The following QRICH2 variants were observed in gnomAD, a reference collection of about 807,000 sequenced individuals.
QRICH2 encodes glutamine-rich protein 2.
In QRICH2, 119 loss-of-function variants were observed where a neutral mutation model predicts 168.3. The ratio of observed to expected loss-of-function variants is 0.71; its 90% CI spans 0.61 to 0.82. The LOEUF is 0.82. Among genes scored for constraint, QRICH2 ranks in the 40% least tolerant of loss-of-function variants. QRICH2 has a pLI of 0.00. For missense variants in QRICH2, 2,241 were observed against 2,491.6 expected, an observed-to-expected ratio of 0.90 and a Z score of 2.14; for synonymous variants, 894 against 951.2, an observed-to-expected ratio of 0.94 and a Z score of 1.11.
At chr17:76,275,537 C>T (rs973053581) in intron 18 of QRICH2, among the ~76,000 whole-genome samples, 3 of 152,292 alleles carry the variant, frequency 2.0e-5, no homozygotes, top group South Asian at 2.1e-4. Flanking sequence ...AGTGAGTGCA[C>T]GTGAGCAGGG....
chr17:76,277,129 C>T (rs758231506), intron 16 of QRICH2, 34 bp downstream of exon 16: 5 of 1,515,140 alleles, frequency 3.3e-6, no homozygotes, highest in East Asian at 4.8e-5. Flanking sequence ...ATGTCAGGGC[C>T]TCCCTCCCTG....
rs752793308 is a variant in QRICH2 at position 76,280,930 on chromosome 17, C to G, written c.4287G>C (p.Val1429=). The part of the protein sequence containing the change: ...QRQDEELLGR[V]QSAILQVQGD... ...CCTGCACCTGCAGGATGGCACTCTG[C>G]ACACGGCCCAGCAGCTCCTCGTCCT... The change falls in exon 9 of 19, where the codon GTG becomes GTC. Residue 1429 remains valine (V), a synonymous_variant. Coordinates refer to ENST00000680821, the MANE Select transcript of QRICH2 (RefSeq NM_001388453.1). The surrounding 1 kb of genome is among the most constrained non-coding windows in gnomAD (Gnocchi z 7.4). 1.2e-6 allele frequency: 2 copies of G among 1,611,536 alleles called. No individual in the cohort carries two copies. The highest frequency in any genetic ancestry group is 4.5e-5 in the East Asian group (2 of 44,876).
intron 1 of QRICH2, among the ~76,000 whole-genome samples, chr17:76,306,759 C>G (rs920773009): frequency 1.3e-5 from 2 of 152,004 alleles, no homozygotes; most frequent in African/African-American, 2.4e-5. Flanking sequence ...GGGTGGCGCG[C>G]GCCTATAATC....
rs142490994 is a variant in QRICH2 at position 76,290,062 on chromosome 17, G to C, written c.3728C>G (p.Pro1243Arg). The C allele has an allele frequency of 7.6e-5, 123 of 1,612,098 alleles. No individual in the cohort carries two copies. The African/African-American group carries it at 1.1e-3, about 15-fold the overall frequency. ...LLAQMVKRTI[P>R]PELQEQLKTV... ...CTTCAGCTGCTCCTGCAGTTCAGGA[G>C]GTATGGTCCTTTTGACTATGGAAAG... The change falls in exon 5 of 19, where the codon CCT (proline) becomes CGT (arginine). Residue 1243 changes from proline to arginine, a missense_variant. Pro to Arg is a moderately radical substitution (Grantham distance 103). Transcript: ENST00000680821.
Position 76,293,400 on chromosome 17 carries a change from A to G in QRICH2, c.1327T>C (p.Leu443=), listed in dbSNP as rs2071048731. Residue 443 remains leucine (L), a synonymous_variant, in exon 4 of 19, where the codon TTG becomes CTG. Coordinates refer to ENST00000680821, the MANE Select transcript of QRICH2 (RefSeq NM_001388453.1). ...TCTCTGCCAGGTACTGATGGTGGCAACATACGTTGCTCATCCACGACAAAT... is the reference window on the plus strand; with the variant it reads ...TCTCTGCCAGGTACTGATGGTGGCAGCATACGTTGCTCATCCACGACAAAT... ...IPFVVDEQRM[L]PPSVPGRDQQ... The G allele has an allele frequency of 1.9e-6, 3 of 1,614,206 alleles. No individual in the cohort carries two copies. The East Asian group carries it at 6.7e-5, about 36-fold the overall frequency.
At chr17:76,295,939 CT>C (rs1244856208) in intron 3 of QRICH2, among the ~76,000 whole-genome samples, 1 of 151,812 alleles carries the variant, frequency 6.6e-6, no homozygotes, top group Non-Finnish European at 1.5e-5. Flanking sequence ...AAAAACAAAA[CT>C]GAGGCTGGGC....
intron 3 of QRICH2, among the ~76,000 whole-genome samples, chr17:76,301,829 A>C (rs899713400): frequency 2.7e-5 from 4 of 149,234 alleles, no homozygotes; most frequent in Admixed American, 2.0e-4. Flanking sequence ...CAGCCTCCCA[A>C]GTAGCTGGGA....
At chr17:76,299,634 G>T (rs945582525) in intron 3 of QRICH2, among the ~76,000 whole-genome samples, 1 of 151,882 alleles carries the variant, frequency 6.6e-6, no homozygotes, top group Non-Finnish European at 1.5e-5. Context: ...CTACTCGGGA[G>T]ACTGAGGCAG....
intron 3 of QRICH2, among the ~76,000 whole-genome samples, chr17:76,297,251 A>G (rs2070811730): frequency 6.6e-6 from 1 of 152,256 alleles, no homozygotes; most frequent in Non-Finnish European, 1.5e-5. Flanking sequence ...CCACACCGGT[A>G]ATCCCAACAC....
chr17:76,285,619 C>T lies in QRICH2; in HGVS notation c.4011+1573G>A, dbSNP rs182240616. Among the ~76,000 whole-genome samples the T allele has an allele frequency of 5.9e-3, 889 of 150,106 alleles. 5 individuals carry two copies. Among genetic ancestry groups the T allele is most frequent in the African/African-American group, 0.02 (828 of 41,078 alleles). ...AGGCCAGTACTTTGGGAGACCGAGG[C>T]GGGTGGATCACCTGAGGTCAGGAGT... On this transcript the variant is annotated intron_variant, in intron 7 of 18. Coordinates refer to ENST00000680821, the MANE Select transcript of QRICH2 (RefSeq NM_001388453.1).
chr17:76,297,868 C>CTTTTTTTTTT (rs1344325680), intron 3 of QRICH2, among the ~76,000 whole-genome samples: 22 of 96,004 alleles, frequency 2.3e-4, no homozygotes, highest in Non-Finnish European at 4.0e-4. Context: ...ACTTAGGAAT[C>CTTTTTTTTTT]TGTTTTTTTT....
chr17:76,277,563 C>A (rs545198584), intron 15 of QRICH2, among the ~76,000 whole-genome samples: 1 of 152,154 alleles, frequency 6.6e-6, no homozygotes, highest in Non-Finnish European at 1.5e-5. Context: ...CTCATACACA[C>A]AGTCACACAC....
Position 76,307,204 on chromosome 17 carries a change from A to G in QRICH2, c.534+261T>C, listed in dbSNP as rs1353610347. Among the ~76,000 whole-genome samples the G allele has an allele frequency of 6.6e-6, 1 of 152,090 alleles. No homozygotes were observed. Reference sequence around the variant, plus strand: ...ACTACACTTAGGAGGTGGGGTCCCCAGGCCCCTCCAGCTCGGGGAGGCCCT... The same window carrying G: ...ACTACACTTAGGAGGTGGGGTCCCCGGGCCCCTCCAGCTCGGGGAGGCCCT... On this transcript the variant is annotated intron_variant, in intron 1 of 18. Transcript: ENST00000680821. The surrounding 1 kb of genome is among the most constrained non-coding windows in gnomAD (Gnocchi z 5.3).
rs1461362520 is a variant in QRICH2, at chr17:76,281,797, A to G, written c.4263+67T>C. On this transcript the variant is annotated intron_variant, in intron 8 of 18. Coordinates refer to ENST00000680821, the MANE Select transcript of QRICH2 (RefSeq NM_001388453.1). The surrounding 1 kb of genome is among the most constrained non-coding windows in gnomAD (Gnocchi z 4.4). ...ACCCGCCCCACTTCTGTGGGTCTGC[A>G]GCAGGGTGGCCCTCCTCTGTGGGGC... The G allele has an allele frequency of 1.9e-6, 3 of 1,578,306 alleles. No individual in the cohort carries two copies. Among genetic ancestry groups the G allele is most frequent in the Non-Finnish European group, 2.6e-6 (3 of 1,156,342 alleles).
chr17:76,278,288 G>A, intron 14 of QRICH2, 99 bp from the exon 15 acceptor site: 1 of 1,246,220 alleles, frequency 8.0e-7, no homozygotes. Flanking sequence ...TTTTGTGCAG[G>A]ACCCAGCTAG....
chr17:76,281,031 C>T lies in QRICH2; in HGVS notation c.4264-78G>A. On this transcript the variant is annotated intron_variant, in intron 8 of 18. Transcript: ENST00000680821. This position sits in a 1 kb window ranked among gnomAD's most constrained non-coding sequence, Gnocchi z 4.4. ...CCCTGCTGCCATAATATTGCTGCCC[C>T]AGGTAAGTTGGCCCTTAAAACATCT... 1 of 1,544,074 alleles carries T rather than the reference C, an allele frequency of 6.5e-7. No individual in the cohort carries two copies. The highest frequency in any genetic ancestry group is 1.9e-5 in the Admixed American group (1 of 52,724).
intron 3 of QRICH2, among the ~76,000 whole-genome samples, chr17:76,297,991 T>C (rs1057415223): frequency 7.0e-6 from 1 of 142,510 alleles, no homozygotes; most frequent in Non-Finnish European, 1.5e-5. Flanking sequence ...TGCCTCAGCC[T>C]CCTGAGTAGA....
upstream of QRICH2, among the ~76,000 whole-genome samples, chr17:76,308,870 C>T (rs561184630): frequency 2.0e-5 from 3 of 151,734 alleles, no homozygotes; most frequent in Non-Finnish European, 4.4e-5. Flanking sequence ...CTCAGCCTCC[C>T]GAGTAGCTGG....
chr17:76,291,051 C>A lies in QRICH2; in HGVS notation c.3676G>T (p.Asp1226Tyr). 6.2e-7 allele frequency: 1 copy of A among 1,613,876 alleles called. No individual in the cohort carries two copies. The highest frequency in any genetic ancestry group is 1.1e-5 in the South Asian group (1 of 91,068). Residue 1226 changes from aspartate (D) to tyrosine (Y), a missense_variant, in exon 4 of 19, where the codon GAC becomes TAC. Asp to Tyr is a radical substitution (Grantham distance 160). This residue lies in a region of QRICH2 where 2,047 missense variants were observed against 2,303.8 expected (regional missense o/e 0.89). Coordinates refer to ENST00000680821, the MANE Select transcript of QRICH2 (RefSeq NM_001388453.1). ...DLDEEQAGQT[D>Y]LEKIQFLLAQ... The stretch of plus-strand genomic sequence containing the variant: ...AGCAGGAACTGGATCTTCTCCAAGT[C>A]GGTTTGGCCGGCCTGCTCCTCATCC...
Sources: gnomAD v4.1 joint callset for allele counts (sites outside exome capture counted in the v4.1 genomes callset) on GRCh38, gnomAD v4.1.1 for gene constraint, gnomAD v4.1.1 regional missense constraint, Gnocchi (gnomAD v3.1) non-coding constraint, MANE v1.5 for transcripts, NCBI Gene and HGNC (gene_info 2026-07-23, HGNC 2026-07-21) for gene names.